ARHGAP21: variants seen among roughly 807,000 people sequenced by gnomAD.
ARHGAP21 encodes the protein Rho GTPase activating protein 21.
A neutral mutation model predicts 164.6 loss-of-function variants in ARHGAP21; 38 were observed. The ratio of observed to expected loss-of-function variants is 0.23; its 90% CI spans 0.18 to 0.30. The LOEUF is 0.30. Among genes scored for constraint, ARHGAP21 ranks in the 10% least tolerant of loss-of-function variants. ARHGAP21 has a pLI of 1.00. For missense variants in ARHGAP21, 1,822 were observed against 2,370.7 expected (o/e 0.77, Z 4.81); for synonymous variants, 766 against 857.9 (o/e 0.89, Z 1.87).
chr10:24,678,931 G>A (rs957709234), intron 2 of ARHGAP21, among the ~76,000 whole-genome samples: 3 of 152,190 alleles, frequency 2.0e-5, no homozygotes, highest in Non-Finnish European at 2.9e-5. Context: ...GTTGCTGCAT[G>A]TATCTATAGT....
At chr10:24,605,312 G>A (rs570854193) in intron 11 of ARHGAP21, among the ~76,000 whole-genome samples, 9 of 152,312 alleles carry the variant, frequency 5.9e-5, no homozygotes, top group African/African-American at 2.2e-4. Flanking sequence ...GCTGAAGCTG[G>A]TGACAGGAGC....
Position 24,620,704 on chromosome 10 carries a change from A to G in ARHGAP21, c.1191T>C (p.Asp397=), listed in dbSNP as rs778559809. The G allele has an allele frequency of 1.4e-5, 23 of 1,614,130 alleles. No individual in the cohort carries two copies. The highest frequency in any genetic ancestry group is 1.6e-5 in the Non-Finnish European group (19 of 1,180,046). ...KNYKTYKEYI[D]NRRLHIGCRT... ...GACAACCTATGTGCAATCGTCTGTTATCAATATACTCTTTGTAAGTTTTAT... is the reference window on the plus strand; with the variant it reads ...GACAACCTATGTGCAATCGTCTGTTGTCAATATACTCTTTGTAAGTTTTAT... The change falls in exon 9 of 26, where the codon GAT becomes GAC. Residue 397 remains aspartate, a synonymous_variant. Coordinates refer to ENST00000396432, the MANE Select transcript of ARHGAP21 (RefSeq NM_020824.4).
Position 24,620,905 on chromosome 10 carries a change from A to G in ARHGAP21, c.990T>C (p.Ile330=). The G allele has an allele frequency of 6.2e-7, 1 of 1,613,914 alleles. No homozygotes were observed. Among genetic ancestry groups the G allele is most frequent in the South Asian group, 1.1e-5 (1 of 91,068 alleles). Residue 330 remains isoleucine (I), a synonymous_variant, in exon 9 of 26, where the codon ATT becomes ATC. Coordinates refer to ENST00000396432, the MANE Select transcript of ARHGAP21 (RefSeq NM_020824.4). ...PPLSIPTTHL[I]HQPAGSRSLE... Reference sequence around the variant, plus strand: ...GTGATCTGGAGCCTGCAGGCTGATGAATTAGATGAGTGGTGGGAATTGATA... The same window carrying G: ...GTGATCTGGAGCCTGCAGGCTGATGGATTAGATGAGTGGTGGGAATTGATA...
chr10:24,690,827 CAA>C (rs11285145), intron 2 of ARHGAP21, among the ~76,000 whole-genome samples: 63 of 142,410 alleles, frequency 4.4e-4, no homozygotes, highest in African/African-American at 1.4e-3. Flanking sequence ...GACTCCATCT[CAA>C]AAAAAAAAAT....
At chr10:24,628,015 C>T (rs976438459) in intron 7 of ARHGAP21, among the ~76,000 whole-genome samples, 4 of 152,208 alleles carry the variant, frequency 2.6e-5, no homozygotes, top group Non-Finnish European at 5.9e-5. Context: ...TTCAAGCCTT[C>T]AGATTGCAAG....
intron 4 of ARHGAP21, among the ~76,000 whole-genome samples, chr10:24,644,516 C>T (rs1565085865): frequency 1.3e-5 from 2 of 152,164 alleles, no homozygotes. Context: ...TGTCTTCCTC[C>T]TCCCTTCCGT....
chr10:24,712,427 C>T (rs931753916), intron 2 of ARHGAP21, among the ~76,000 whole-genome samples: 4 of 152,122 alleles, frequency 2.6e-5, no homozygotes, highest in Admixed American at 1.3e-4. Flanking sequence ...CCAAAATCCA[C>T]GCATGCTCAA....
rs569364769 is a variant in ARHGAP21 at position 24,597,372 on chromosome 10, A to C, written c.3334+75T>G. The stretch of plus-strand genomic sequence containing the variant: ...GGGGCCTGGTCAGTAGAAATGGTAC[A>C]GAAAACATAAACGTACCTCAACGAT... On this transcript the variant is annotated intron_variant, in intron 16 of 25. Transcript: ENST00000396432. The C allele has an allele frequency of 7.1e-6, 11 of 1,543,662 alleles. No individual in the cohort carries two copies. In the East Asian group the frequency reaches 2.2e-4, roughly 32 times the overall value.
intron 14 of ARHGAP21, among the ~76,000 whole-genome samples, chr10:24,598,703 T>C (rs2076686170): frequency 6.6e-6 from 1 of 152,192 alleles, no homozygotes; most frequent in Non-Finnish European, 1.5e-5. Context: ...TGCCTCATTT[T>C]GATGATAGTG....
intron 4 of ARHGAP21, among the ~76,000 whole-genome samples, chr10:24,648,492 T>G (rs986985883): frequency 2.0e-5 from 3 of 152,132 alleles, no homozygotes; most frequent in Non-Finnish European, 4.4e-5. Context: ...ATACATATCA[T>G]AGGTCAGCCG....
At chr10:24,677,331 A>G (rs1841353021) in intron 2 of ARHGAP21, among the ~76,000 whole-genome samples, 1 of 152,170 alleles carries the variant, frequency 6.6e-6, no homozygotes, top group Admixed American at 6.5e-5. Flanking sequence ...ACTTTAACAT[A>G]CTTGCATGTA....
At position 24,586,033 on chromosome 10, in the gene ARHGAP21, C is replaced by A; in HGVS notation, c.4256G>T (p.Arg1419Leu). 1 of 1,614,050 alleles carries A rather than the reference C, an allele frequency of 6.2e-7. No individual in the cohort carries two copies. Among genetic ancestry groups the A allele is most frequent in the Non-Finnish European group, 8.5e-7 (1 of 1,180,008 alleles). ...LVSSIFAAAS[R>L]KRKKPKEKAQ... ...TTTTTCTTTCGGCTTCTTCCTCTTG[C>A]GACTAGCAGCTGCAAAGATGGAGGA... is the stretch of plus-strand genomic sequence containing the variant. The change falls in exon 26 of 26, where the codon CGC (arginine) becomes CTC (leucine). Residue 1419 changes from arginine to leucine, a missense_variant. Physicochemically the swap from Arg to Leu is moderately radical, Grantham distance 102 (BLOSUM62 -2). Coordinates refer to ENST00000396432, the MANE Select transcript of ARHGAP21 (RefSeq NM_020824.4).
chr10:24,605,415 A>G (rs2076981780), intron 11 of ARHGAP21, among the ~76,000 whole-genome samples: 1 of 152,194 alleles, frequency 6.6e-6, no homozygotes, highest in Non-Finnish European at 1.5e-5. Flanking sequence ...TGTAGGGTGC[A>G]GTAGACTCTG....
chr10:24,666,069 C>A (rs936301786), intron 4 of ARHGAP21, among the ~76,000 whole-genome samples: 3 of 151,904 alleles, frequency 2.0e-5, no homozygotes, highest in Non-Finnish European at 4.4e-5. Flanking sequence ...TCGCCCTGTC[C>A]CCCAGGCTGG....
Position 24,635,122 on chromosome 10 carries a change from A to G in ARHGAP21, c.269-19T>C. Reference sequence around the variant, plus strand: ...TGTTTTCCTGTTACAGAGAAGCCCAAAGCATGATTTTACTTCACAATACTT... The same window carrying G: ...TGTTTTCCTGTTACAGAGAAGCCCAGAGCATGATTTTACTTCACAATACTT... On this transcript the variant is annotated intron_variant, in intron 4 of 25. Transcript: ENST00000396432. 1.3e-6 allele frequency: 2 copies of G among 1,528,314 alleles called. No homozygotes were observed. The highest frequency in any genetic ancestry group is 2.4e-5 in the South Asian group (2 of 81,874). The allele number at this position is 1,528,314 out of a possible 1,614,324, so 94.7% of individuals were successfully genotyped here.
chr10:24,684,359 C>T (rs1397913217), intron 2 of ARHGAP21, among the ~76,000 whole-genome samples: 2 of 151,954 alleles, frequency 1.3e-5, no homozygotes, highest in East Asian at 3.9e-4. Context: ...AAACACTAAC[C>T]ATAATTAAAT....
At chr10:24,678,495 TTTG>T (rs1414786719) in intron 2 of ARHGAP21, among the ~76,000 whole-genome samples, 7 of 152,044 alleles carry the variant, frequency 4.6e-5, no homozygotes, top group Admixed American at 2.0e-4. Flanking sequence ...TTTCTGTCTT[TTTG>T]TTGTTGTTGT....
intron 16 of ARHGAP21, 83 bp downstream of exon 16, chr10:24,597,364 A>T: frequency 6.6e-7 from 1 of 1,518,218 alleles, no homozygotes; most frequent in South Asian, 1.3e-5. Flanking sequence ...GGTCAGTAGA[A>T]ATGGTACAGA....
chr10:24,707,435 C>A (rs1418115207), intron 2 of ARHGAP21, among the ~76,000 whole-genome samples: 1 of 152,172 alleles, frequency 6.6e-6, no homozygotes, highest in Admixed American at 6.5e-5. Flanking sequence ...ATTTCTTACA[C>A]TTCCATAGGT....
Sources: allele counts gnomAD v4.1 joint callset (sites outside exome capture counted in the v4.1 genomes callset), GRCh38; gene constraint gnomAD v4.1.1; transcripts MANE v1.5; gene names NCBI Gene and HGNC (gene_info 2026-07-23, HGNC 2026-07-21).